The following SUSD4 variants were observed in gnomAD, a reference collection of about 807,000 sequenced individuals.
SUSD4 encodes sushi domain-containing protein 4.
SUSD4 carries 41 observed loss-of-function variants against 50.5 expected under a neutral mutation model. That is an observed-to-expected ratio of 0.81 (90% CI 0.63 to 1.05). The LOEUF (loss-of-function observed/expected upper bound fraction) is 1.05, where lower values mean the gene tolerates loss of function less well. Ranked by LOEUF, SUSD4 falls within the 50% of genes least tolerant of loss-of-function variation. The probability of loss-of-function intolerance (pLI) is 0.00; values close to 1 mark genes in which losing one functional copy is unlikely to be tolerated. For synonymous variants in SUSD4, 257 were observed against 257.3 expected (o/e 1.00, Z 0.01); for missense variants, 580 against 634.7 (o/e 0.91, Z 0.93).
At position 223,229,592 on chromosome 1, in the gene SUSD4, C is replaced by T. The variant is rs562632116; in HGVS notation, c.725-204G>A. ...GAAGCCTGCTGTAATATTCTGAGCA[C>T]GTGCCGTTGTGACATGGCATTGTGA... On this transcript the variant is annotated intron_variant, in intron 5 of 8. Transcript: ENST00000366878. The surrounding 1 kb of genome is among the most constrained non-coding windows in gnomAD (Gnocchi z 4.7). The T allele has an allele frequency of 4.7e-5, 24 of 515,918 alleles. No homozygotes were observed. The highest frequency in any genetic ancestry group is 2.0e-4 in the East Asian group (7 of 34,448). 32.0% of individuals were successfully genotyped at this position (515,918 alleles called of 1,614,324 possible).
chr1:223,236,661 T>C (rs1660244646), intron 5 of SUSD4, among the ~76,000 whole-genome samples: 2 of 152,056 alleles, frequency 1.3e-5, no homozygotes, highest in African/African-American at 2.4e-5. Context: ...ATCAGTTGAC[T>C]ATATTTACGT....
At chr1:223,281,707 A>C (rs1269798105) in intron 3 of SUSD4, among the ~76,000 whole-genome samples, 1 of 152,194 alleles carries the variant, frequency 6.6e-6, no homozygotes, top group Non-Finnish European at 1.5e-5. Flanking sequence ...CAATCAATAG[A>C]AAAAGAGGGA....
At chr1:223,354,035 A>G (rs1374717815) in intron 2 of SUSD4, among the ~76,000 whole-genome samples, 2 of 142,350 alleles carry the variant, frequency 1.4e-5, no homozygotes, top group Non-Finnish European at 3.1e-5. Context: ...TTGTCTCAAG[A>G]AAAAAAAAAA....
intron 2 of SUSD4, among the ~76,000 whole-genome samples, chr1:223,324,632 T>C (rs1485936284): frequency 6.6e-6 from 1 of 151,490 alleles, no homozygotes; most frequent in East Asian, 1.9e-4. Flanking sequence ...GTTATCTCCC[T>C]TTCCAGGATC....
At chr1:223,271,822 A>G (rs1221455609) in intron 3 of SUSD4, among the ~76,000 whole-genome samples, 2 of 152,196 alleles carry the variant, frequency 1.3e-5, no homozygotes, top group Non-Finnish European at 2.9e-5. Flanking sequence ...CTTTCCACAG[A>G]AAAAAAGAAT....
At chr1:223,271,569 C>T (rs1171980748) in intron 3 of SUSD4, among the ~76,000 whole-genome samples, 2 of 145,864 alleles carry the variant, frequency 1.4e-5, no homozygotes, top group African/African-American at 4.9e-5. Context: ...GTCCAAATCC[C>T]AACAAGGGGA....
chr1:223,324,696 C>T (rs1666773797), intron 2 of SUSD4, among the ~76,000 whole-genome samples: 1 of 150,668 alleles, frequency 6.6e-6, no homozygotes, highest in Non-Finnish European at 1.5e-5. Flanking sequence ...GGGCAGCAAA[C>T]TTTCTTAGAG....
rs975839628 is a variant in SUSD4 at position 223,222,131 on chromosome 1, C to T, written c.*61G>A. 8 of 1,581,878 alleles carry T rather than the reference C, an allele frequency of 5.1e-6. No individual in the cohort carries two copies. In the East Asian group the frequency reaches 1.1e-4, roughly 22 times the overall value. Reference sequence around the variant, plus strand: ...CAGGCTCTATCCTTCTGTGACCTCACTCCAAGATACAAGGTCCTTTCCCCG... The same window carrying T: ...CAGGCTCTATCCTTCTGTGACCTCATTCCAAGATACAAGGTCCTTTCCCCG... On this transcript the variant is annotated 3_prime_UTR_variant, in exon 9 of 9. Transcript: ENST00000366878.
chr1:223,364,662 T>A, upstream of SUSD4, among the ~76,000 whole-genome samples: 1 of 150,644 alleles, frequency 6.6e-6, no homozygotes. The surrounding 1 kb of genome is among the most constrained non-coding windows in gnomAD (Gnocchi z 4.5). Flanking sequence ...CGGCCTCTGG[T>A]GCCCCCAGCC....
At chr1:223,324,113 C>G (rs1388057867) in intron 2 of SUSD4, among the ~76,000 whole-genome samples, 1 of 148,760 alleles carries the variant, frequency 6.7e-6, no homozygotes. Context: ...TTTCAACTTT[C>G]CTCCATCCCT....
chr1:223,305,790 T>G (rs552912461), intron 2 of SUSD4, among the ~76,000 whole-genome samples: 1 of 152,288 alleles, frequency 6.6e-6, no homozygotes, highest in African/African-American at 2.4e-5. Context: ...TTTGAAGACA[T>G]GGGAATGAGT....
intron 5 of SUSD4, among the ~76,000 whole-genome samples, chr1:223,241,492 T>TCTTTA (rs1177472860): frequency 1.1e-4 from 17 of 152,342 alleles, no homozygotes; most frequent in Admixed American, 2.0e-4. Flanking sequence ...GCCGTGACTC[T>TCTTTA]CTTTACTTTT....
rs201817713 is a variant in SUSD4, at chr1:223,257,282, T to C, written c.724+7348A>G. On this transcript the variant is annotated intron_variant, in intron 5 of 8. Coordinates refer to ENST00000366878, the MANE Select transcript of SUSD4 (RefSeq NM_017982.4). Reference sequence around the variant, plus strand: ...ACCTTGGGAGGCCGAGGTGGGAGGATTGCTTGAGGCCAGGAGTTTGAGACC... The same window carrying C: ...ACCTTGGGAGGCCGAGGTGGGAGGACTGCTTGAGGCCAGGAGTTTGAGACC... 9.9e-5 allele frequency among the ~76,000 whole-genome samples: 15 copies of C among 151,980 alleles called. No individual in the cohort carries two copies. In the East Asian group the frequency reaches 1.9e-3, roughly 20 times the overall value.
chr1:223,257,775 AC>A (rs1661802006), intron 5 of SUSD4, among the ~76,000 whole-genome samples: 2 of 152,092 alleles, frequency 1.3e-5, no homozygotes, highest in Admixed American at 1.3e-4. Context: ...GAGCTGAGAG[AC>A]CCTGCGTCTC....
chr1:223,246,998 T>C (rs1252494258), intron 5 of SUSD4, among the ~76,000 whole-genome samples: 1 of 152,202 alleles, frequency 6.6e-6, no homozygotes, highest in Non-Finnish European at 1.5e-5. Flanking sequence ...TAATGTAGTA[T>C]TATAGAATAT....
At position 223,229,278 on chromosome 1, in the gene SUSD4, T is replaced by C. The variant is rs757413853; in HGVS notation, c.835A>G (p.Ser279Gly). ...ATGTACTTGTAGTCGCTGGTGAGGC[T>C]GTAGCCAGGATCGCAGTAAAACTCC... is the stretch of plus-strand genomic sequence containing the variant. ...VVEFYCDPGYSLTSDYKYITC... is the reference protein window; with the variant it reads ...VVEFYCDPGYGLTSDYKYITC... The change falls in exon 6 of 9, where the codon AGC becomes GGC. Residue 279 changes from serine (S) to glycine (G), a missense_variant. Physicochemically the swap from Ser to Gly is moderately conservative, Grantham distance 56. Coordinates refer to ENST00000366878, the MANE Select transcript of SUSD4 (RefSeq NM_017982.4). The surrounding 1 kb of genome is among the most constrained non-coding windows in gnomAD (Gnocchi z 4.7). 1.2e-6 allele frequency: 2 copies of C among 1,613,504 alleles called. No individual in the cohort carries two copies. Among genetic ancestry groups the C allele is most frequent in the Non-Finnish European group, 8.5e-7 (1 of 1,179,480 alleles).
chr1:223,304,548 T>C (rs1327443809), intron 2 of SUSD4, among the ~76,000 whole-genome samples: 4 of 151,838 alleles, frequency 2.6e-5, no homozygotes, highest in Admixed American at 2.0e-4. Context: ...TAGTTTTATT[T>C]GTGCATACAG....
intron 2 of SUSD4, among the ~76,000 whole-genome samples, chr1:223,317,851 C>CTTTTT (rs1172641015): frequency 2.5e-4 from 25 of 100,734 alleles, no homozygotes; most frequent in Non-Finnish European, 2.9e-4. Flanking sequence ...TTTTTTTTTT[C>CTTTTT]TTTTTTTTTT....
chr1:223,292,221 T>C (rs562777000), intron 3 of SUSD4, among the ~76,000 whole-genome samples: 1 of 152,306 alleles, frequency 6.6e-6, no homozygotes, highest in East Asian at 1.9e-4. Context: ...TAGATTGTAA[T>C]TGAGACAGAG....
Sources: allele counts gnomAD v4.1 joint callset (sites outside exome capture counted in the v4.1 genomes callset), GRCh38; gene constraint gnomAD v4.1.1; non-coding constraint Gnocchi (gnomAD v3.1); transcripts MANE v1.5; gene names NCBI Gene and HGNC (gene_info 2026-07-23, HGNC 2026-07-21).